Variants in TSPAN15 observed in about 807,000 individuals in gnomAD.
TSPAN15 encodes the protein tetraspanin-15.
TSPAN15 carries 20 observed loss-of-function variants against 34.5 expected under a neutral mutation model. That is an observed-to-expected ratio of 0.58 (90% CI 0.41 to 0.84). The LOEUF (loss-of-function observed/expected upper bound fraction) is 0.84. TSPAN15 is among the 40% of genes least tolerant of loss of function. The pLI is 0.00. For missense variants in TSPAN15, 313 were observed against 386.1 expected (o/e 0.81, Z 1.59); for synonymous variants, 155 against 153.9 (o/e 1.01, Z -0.05).
intron 1 of TSPAN15, among the ~76,000 whole-genome samples, chr10:69,473,855 T>G (rs763408906): frequency 2.0e-5 from 3 of 152,058 alleles, no homozygotes; most frequent in Non-Finnish European, 4.4e-5. Context: ...CTGCCTTCTA[T>G]CCATAGTTCA....
At chr10:69,547,608 G>A in the TSPAN15 span, among the ~76,000 whole-genome samples, 1 of 152,178 alleles carries the variant, frequency 6.6e-6, no homozygotes, top group Admixed American at 6.5e-5. Flanking sequence ...GAAGACATCT[G>A]GACTAAGACC....
Position 69,483,721 on chromosome 10 carries a change from A to G in TSPAN15, c.127A>G (p.Ile43Val), listed in dbSNP as rs753252091. ...TGGGGCCCTGGTCCTGTCTGTGGGC[A>G]TCTATGCAGAGGTTGAGCGGCAGAA... is the stretch of plus-strand genomic sequence containing the variant. ...LIGALVLSVG[I>V]YAEVERQKYK... Residue 43 changes from isoleucine to valine, a missense_variant, in exon 2 of 8, where the codon ATC (isoleucine) becomes GTC (valine). Ile to Val is a conservative substitution (Grantham distance 29). Transcript: ENST00000373290. 3 of 1,614,096 alleles carry G rather than the reference A, an allele frequency of 1.9e-6. No homozygotes were observed. The highest frequency in any genetic ancestry group is 2.2e-5 in the South Asian group (2 of 91,062).
chr10:69,455,506 C>G (rs1454583132), intron 1 of TSPAN15, among the ~76,000 whole-genome samples: 1 of 151,170 alleles, frequency 6.6e-6, no homozygotes, highest in East Asian at 1.9e-4. Context: ...AGGTTGTTCC[C>G]AGTCTTTCTT....
At chr10:69,463,315 A>T (rs1841310590) in intron 1 of TSPAN15, among the ~76,000 whole-genome samples, 1 of 152,214 alleles carries the variant, frequency 6.6e-6, no homozygotes, top group Non-Finnish European at 1.5e-5. Context: ...AGTGAACTGC[A>T]GTTCTGGCCT....
intron 1 of TSPAN15, among the ~76,000 whole-genome samples, chr10:69,473,196 G>C (rs764111041): frequency 3.9e-4 from 60 of 152,312 alleles, no homozygotes; most frequent in Admixed American, 9.8e-4. Context: ...ATCTTGCTCT[G>C]TCACCCAGGC....
chr10:69,543,659 C>T, the TSPAN15 span, among the ~76,000 whole-genome samples: 2 of 150,574 alleles, frequency 1.3e-5, no homozygotes, highest in African/African-American at 2.5e-5. Context: ...AGCTTCACAG[C>T]GCTGGGCCCT....
At chr10:69,486,990 C>A (rs1269026493) in intron 3 of TSPAN15, among the ~76,000 whole-genome samples, 1 of 151,944 alleles carries the variant, frequency 6.6e-6, no homozygotes, top group African/African-American at 2.4e-5. Context: ...CACTTTCCAG[C>A]AGCCTTGAGG....
the TSPAN15 span, among the ~76,000 whole-genome samples, chr10:69,539,539 G>GAAGAAGAAGAAGA: frequency 3.7e-4 from 16 of 42,718 alleles, no homozygotes; most frequent in Middle Eastern, 0.018. Context: ...GAAGAAGAAG[G>GAAGAAGAAGAAGA]AGAAGGAGAA....
intron 1 of TSPAN15, among the ~76,000 whole-genome samples, chr10:69,462,918 T>C (rs1841301867): frequency 1.3e-5 from 2 of 152,052 alleles, no homozygotes; most frequent in African/African-American, 4.8e-5. Flanking sequence ...GGGGAGTCAG[T>C]AGGGCCCCAT....
intron 1 of TSPAN15, among the ~76,000 whole-genome samples, chr10:69,482,068 C>CA (rs759640769): frequency 0.18 from 21,411 of 120,090 alleles, 1,870 homozygotes; most frequent in African/African-American, 0.28. Flanking sequence ...AAGACAAATT[C>CA]AAAAAAAAAA....
downstream of TSPAN15, among the ~76,000 whole-genome samples, chr10:69,509,305 G>T (rs78011202): frequency 0.011 from 1,722 of 152,274 alleles, 31 homozygotes; most frequent in African/African-American, 0.036. Context: ...CTAAGCTCCA[G>T]CAGACACTCA....
chr10:69,482,211 C>G (rs75279749), intron 1 of TSPAN15, among the ~76,000 whole-genome samples: 2,482 of 152,282 alleles, frequency 0.016, 67 homozygotes, highest in African/African-American at 0.057. Context: ...TGAAGGGCCT[C>G]CCTTTGCAGG....
the TSPAN15 span, among the ~76,000 whole-genome samples, chr10:69,522,210 A>T: frequency 1.4e-5 from 2 of 145,692 alleles, 1 homozygote; most frequent in South Asian, 4.3e-4. Flanking sequence ...AATACAAAAA[A>T]AATTAGCTGG....
chr10:69,521,248 G>A, the TSPAN15 span, among the ~76,000 whole-genome samples: 3 of 152,006 alleles, frequency 2.0e-5, no homozygotes, highest in African/African-American at 4.8e-5. Context: ...GGTGGCTCAC[G>A]CCTGTAATCC....
the TSPAN15 span, among the ~76,000 whole-genome samples, chr10:69,545,180 C>G: frequency 5.8e-4 from 88 of 152,314 alleles, 1 homozygote; most frequent in East Asian, 0.015. Context: ...CCTCACTCCC[C>G]CTTTACCCCC....
At chr10:69,544,999 A>T in the TSPAN15 span, among the ~76,000 whole-genome samples, 2 of 152,272 alleles carry the variant, frequency 1.3e-5, no homozygotes, top group East Asian at 3.9e-4. Flanking sequence ...AGCTCCGAAG[A>T]GAGCAAATGG....
chr10:69,453,123 G>A (rs930248124), intron 1 of TSPAN15, among the ~76,000 whole-genome samples: 2 of 151,834 alleles, frequency 1.3e-5, no homozygotes, highest in African/African-American at 2.4e-5. Flanking sequence ...AGGTAATGTG[G>A]AGGAGAGATG....
At chr10:69,476,157 C>A (rs1841610279) in intron 1 of TSPAN15, among the ~76,000 whole-genome samples, 1 of 151,798 alleles carries the variant, frequency 6.6e-6, no homozygotes, top group Non-Finnish European at 1.5e-5. Context: ...CTAAGAATAT[C>A]TAGGACACTT....
Position 69,455,592 on chromosome 10 carries a change from CTTT to C in TSPAN15, c.96+3903_96+3905del, listed in dbSNP as rs1841078379. ...CTTTCTCTTTTCTTTCTTTCTTTCT[CTTT>C]CTTTCTTTCTTTCTCTCTCTCTCTC... is the stretch of plus-strand genomic sequence containing the variant. On this transcript the variant is annotated intron_variant, in intron 1 of 7. Transcript: ENST00000373290. Among the ~76,000 whole-genome samples, 105 of 121,012 alleles carry C rather than the reference CTTT, an allele frequency of 8.7e-4. 3 individuals carry two copies. Among genetic ancestry groups the C allele is most frequent in the African/African-American group, 3.1e-3 (95 of 30,462 alleles). The allele number at this position is 121,012 out of a possible 152,430, so 79.4% of individuals were successfully genotyped here. A position where few individuals can be genotyped will look rare whatever the true frequency, so the allele number is the denominator to read the frequency against.
Sources: gnomAD v4.1 joint callset for allele counts (sites outside exome capture counted in the v4.1 genomes callset) on GRCh38, gnomAD v4.1.1 for gene constraint, MANE v1.5 for transcripts, NCBI Gene and HGNC (gene_info 2026-07-23, HGNC 2026-07-21) for gene names.